Variants in NRXN3 observed in about 807,000 individuals in gnomAD.
The protein encoded by NRXN3 is neurexin 3.
In NRXN3, 32 loss-of-function variants were observed where a neutral mutation model predicts 137.6. The observed-to-expected ratio is 0.23, with a 90% confidence interval of 0.18 to 0.31. The LOEUF (loss-of-function observed/expected upper bound fraction) is 0.31. Among genes scored for constraint, NRXN3 ranks in the 10% least tolerant of loss-of-function variants. The pLI, the probability that NRXN3 is intolerant of heterozygous loss-of-function variation, is 1.00. For synonymous variants in NRXN3, 798 were observed against 784.5 expected, an observed-to-expected ratio of 1.02 and a Z score of -0.29; for missense variants, 1,574 against 2,062.5, an observed-to-expected ratio of 0.76 and a Z score of 4.59.
chr14:79,452,938 A>T (rs1052767294), intron 15 of NRXN3, among the ~76,000 whole-genome samples: 5 of 152,240 alleles, frequency 3.3e-5, no homozygotes. Flanking sequence ...ATAATAATGC[A>T]GTGATGTTGC....
chr14:79,046,332 G>A (rs987474265), intron 15 of NRXN3, among the ~76,000 whole-genome samples: 34 of 152,286 alleles, frequency 2.2e-4, no homozygotes, highest in African/African-American at 7.7e-4. Context: ...AAGGTGCAGA[G>A]AGGATCTAAC....
chr14:78,483,299 C>G (rs561797833), intron 4 of NRXN3, among the ~76,000 whole-genome samples: 1 of 152,320 alleles, frequency 6.6e-6, no homozygotes, highest in South Asian at 2.1e-4. Flanking sequence ...TGCTGTTCAA[C>G]TTTTTGGGAA....
intron 1 of NRXN3, among the ~76,000 whole-genome samples, chr14:78,206,413 G>A (rs1421306092): frequency 6.6e-6 from 1 of 152,160 alleles, no homozygotes; most frequent in Non-Finnish European, 1.5e-5. Context: ...TCATACCCCA[G>A]AAATGGCAGG....
At chr14:79,830,359 G>C (rs1187295429) in intron 20 of NRXN3, among the ~76,000 whole-genome samples, 1 of 152,116 alleles carries the variant, frequency 6.6e-6, no homozygotes, top group East Asian at 1.9e-4. Context: ...CTTGACTCTG[G>C]ATAGTGAACA....
intron 15 of NRXN3, among the ~76,000 whole-genome samples, chr14:79,321,456 T>G (rs1331401739): frequency 6.6e-6 from 1 of 152,198 alleles, no homozygotes; most frequent in Non-Finnish European, 1.5e-5. Context: ...TTTATTTTTC[T>G]GAACAACTTG....
At chr14:79,294,746 A>G (rs889157408) in intron 15 of NRXN3, among the ~76,000 whole-genome samples, 1 of 152,202 alleles carries the variant, frequency 6.6e-6, no homozygotes, top group Non-Finnish European at 1.5e-5. Flanking sequence ...ATTGGAATTC[A>G]TACTTTATTA....
chr14:79,117,310 G>T (rs959834807), intron 15 of NRXN3, among the ~76,000 whole-genome samples: 7 of 152,176 alleles, frequency 4.6e-5, no homozygotes, highest in Non-Finnish European at 1.0e-4. Flanking sequence ...TCCATGGAGG[G>T]AAGGACTCAG....
intron 4 of NRXN3, among the ~76,000 whole-genome samples, chr14:78,365,964 G>A (rs2085875569): frequency 1.3e-5 from 2 of 152,150 alleles, no homozygotes; most frequent in Admixed American, 1.3e-4. Context: ...GAACCAAGTG[G>A]CTTAAAACTA....
intron 15 of NRXN3, among the ~76,000 whole-genome samples, chr14:79,178,774 C>G (rs1467487663): frequency 6.6e-6 from 1 of 152,160 alleles, no homozygotes; most frequent in African/African-American, 2.4e-5. Context: ...CCAAAACATA[C>G]ATATTTTGAC....
At chr14:79,299,990 T>C (rs749342662) in intron 15 of NRXN3, among the ~76,000 whole-genome samples, 1 of 152,038 alleles carries the variant, frequency 6.6e-6, no homozygotes, top group Non-Finnish European at 1.5e-5. Context: ...CAAAGATCAA[T>C]AAAGTTCCTG....
At chr14:78,833,611 A>G (rs1301152519) in intron 10 of NRXN3, among the ~76,000 whole-genome samples, 1 of 152,194 alleles carries the variant, frequency 6.6e-6, no homozygotes, top group Non-Finnish European at 1.5e-5. Context: ...AAATTTGGAG[A>G]CTTACTTGAA....
chr14:78,926,770 A>ATT (rs2099297146), intron 10 of NRXN3, among the ~76,000 whole-genome samples: 2 of 44,890 alleles, frequency 4.5e-5, no homozygotes, highest in African/African-American at 2.7e-4. Context: ...TATTATATAT[A>ATT]TTATATATAT....
intron 10 of NRXN3, among the ~76,000 whole-genome samples, chr14:78,831,409 G>A (rs1384604230): frequency 6.6e-6 from 1 of 151,704 alleles, no homozygotes; most frequent in Non-Finnish European, 1.5e-5. Context: ...GGTTGTAGGC[G>A]CCTGTAATCC....
At chr14:79,544,082 AAAAAATAAAAAT>A (rs543984941) in intron 16 of NRXN3, among the ~76,000 whole-genome samples, 4 of 152,328 alleles carry the variant, frequency 2.6e-5, no homozygotes, top group Admixed American at 1.3e-4. Flanking sequence ...AAATTTAGGC[AAAAAATAAAAAT>A]AAAAATAAAA....
chr14:78,466,390 A>G (rs969426097), intron 4 of NRXN3, among the ~76,000 whole-genome samples: 3 of 152,198 alleles, frequency 2.0e-5, no homozygotes, highest in African/African-American at 4.8e-5. Context: ...GGCATCAGAA[A>G]GGACATAACA....
At chr14:78,971,127 A>G (rs1448594338) in intron 14 of NRXN3, among the ~76,000 whole-genome samples, 1 of 152,148 alleles carries the variant, frequency 6.6e-6, no homozygotes, top group Non-Finnish European at 1.5e-5. Flanking sequence ...TCCCAGGAGC[A>G]TTTTAGGGTT....
At chr14:79,508,041 T>C (rs2153685182) in intron 16 of NRXN3, among the ~76,000 whole-genome samples, 1 of 152,260 alleles carries the variant, frequency 6.6e-6, no homozygotes, top group East Asian at 1.9e-4. Flanking sequence ...TTGAGAGCCT[T>C]GGATTTGAAC....
At chr14:78,776,566 A>G (rs190324752) in intron 8 of NRXN3, among the ~76,000 whole-genome samples, 21 of 152,350 alleles carry the variant, frequency 1.4e-4, no homozygotes, top group Non-Finnish European at 2.6e-4. Flanking sequence ...TAAAATGTGT[A>G]CAGACATGAG....
chr14:79,539,335 A>G (rs1240055560), intron 16 of NRXN3, among the ~76,000 whole-genome samples: 1 of 152,196 alleles, frequency 6.6e-6, no homozygotes, highest in Middle Eastern at 3.4e-3. Flanking sequence ...GACAGATTTT[A>G]AACCTAGCAT....
Sources: allele counts gnomAD v4.1 joint callset (sites outside exome capture counted in the v4.1 genomes callset), GRCh38; gene constraint gnomAD v4.1.1; transcripts MANE v1.5; gene names NCBI Gene and HGNC (gene_info 2026-07-23, HGNC 2026-07-21).